LRBA: variants seen among roughly 807,000 people sequenced by gnomAD.
The protein encoded by LRBA is lipopolysaccharide-responsive and beige-like anchor protein.
Under a neutral mutation model 330.0 loss-of-function variants are expected in LRBA, and 176 were observed. The ratio of observed to expected loss-of-function variants is 0.53; its 90% confidence interval spans 0.47 to 0.60. The LOEUF (loss-of-function observed/expected upper bound fraction) is 0.60, where lower values mean the gene tolerates loss of function less well. Among genes scored for constraint, LRBA ranks in the 20% least tolerant of loss-of-function variants. The pLI is 0.00. For synonymous variants in LRBA, 1,230 were observed against 1,193.0 expected, an observed-to-expected ratio of 1.03 and a Z score of -0.64; for missense variants, 3,259 against 3,444.8, an observed-to-expected ratio of 0.95 and a Z score of 1.35.
intron 32 of LRBA, among the ~76,000 whole-genome samples, chr4:150,807,397 A>C (rs1038689298): frequency 1.3e-5 from 2 of 152,184 alleles, no homozygotes; most frequent in African/African-American, 4.8e-5. Context: ...AATACTAGCT[A>C]TACTCGAAGC....
At position 150,528,303 on chromosome 4, in the gene LRBA, T is replaced by C. The variant is rs545901588; in HGVS notation, c.6331-37268A>G. Among the ~76,000 whole-genome samples the C allele has an allele frequency of 4.0e-5, 6 of 151,880 alleles. No homozygotes were observed. In the South Asian group the frequency reaches 1.3e-3, roughly 32 times the overall value. ...TCACGAGGTCAGGAGATCGAGACCATCCTGGCAAACACAGTGGAACCCTGT... is the reference window on the plus strand; with the variant it reads ...TCACGAGGTCAGGAGATCGAGACCACCCTGGCAAACACAGTGGAACCCTGT... On this transcript the variant is annotated intron_variant, in intron 40 of 56. Coordinates refer to ENST00000651943, the MANE Select transcript of LRBA (RefSeq NM_001364905.1).
intron 48 of LRBA, among the ~76,000 whole-genome samples, chr4:150,327,327 G>A (rs1733414591): frequency 6.6e-6 from 1 of 152,166 alleles, no homozygotes; most frequent in Non-Finnish European, 1.5e-5. Context: ...GGCTGAAGTA[G>A]GAGAACAGCT....
Position 150,775,483 on chromosome 4 carries a change from ACACACACACACACACAC to A in LRBA, c.5581-13653_5581-13637del, listed in dbSNP as rs1560800126. On this transcript the variant is annotated intron_variant, in intron 34 of 56. Transcript: ENST00000651943. ...CACACACACACACACACACACACAC[ACACACACACACACACAC>A]ACAGTGATTGCAGCATAAGAGAGGA... Among the ~76,000 whole-genome samples, 349 of 150,960 alleles carry A rather than the reference ACACACACACACACACAC, an allele frequency of 2.3e-3. 2 individuals carry two copies. The highest frequency in any genetic ancestry group is 7.7e-3 in the African/African-American group (314 of 40,940).
intron 40 of LRBA, among the ~76,000 whole-genome samples, chr4:150,542,496 T>C (rs945169190): frequency 6.6e-6 from 1 of 152,160 alleles, no homozygotes; most frequent in African/African-American, 2.4e-5. Context: ...GTGCTAAATA[T>C]TAGAAATTTG....
At chr4:150,690,160 T>C (rs1432949557) in intron 36 of LRBA, among the ~76,000 whole-genome samples, 1 of 152,166 alleles carries the variant, frequency 6.6e-6, no homozygotes, top group South Asian at 2.1e-4. Context: ...TTAATAAAAA[T>C]TTTTAGCAAT....
intron 37 of LRBA, among the ~76,000 whole-genome samples, chr4:150,676,708 T>A (rs1378653822): frequency 6.6e-6 from 1 of 152,154 alleles, no homozygotes; most frequent in African/African-American, 2.4e-5. Flanking sequence ...CTCAAATTCC[T>A]TAAATAATTT....
At chr4:150,529,225 G>C (rs577323468) in intron 40 of LRBA, among the ~76,000 whole-genome samples, 1 of 152,068 alleles carries the variant, frequency 6.6e-6, no homozygotes, top group Non-Finnish European at 1.5e-5. Context: ...TATCAAAACA[G>C]GTTATAGATT....
chr4:150,507,528 T>G (rs1416211096), intron 40 of LRBA, among the ~76,000 whole-genome samples: 1 of 152,188 alleles, frequency 6.6e-6, no homozygotes, highest in Non-Finnish European at 1.5e-5. Context: ...TAGCCATATG[T>G]AGGAAGCTGA....
At chr4:150,759,860 T>A (rs1462411314) in intron 35 of LRBA, among the ~76,000 whole-genome samples, 1 of 152,136 alleles carries the variant, frequency 6.6e-6, no homozygotes, top group East Asian at 1.9e-4. Context: ...GTATCAAAGC[T>A]GAAACCTGAA....
In LRBA at chr4:150,588,030, AC is replaced by A; in HGVS notation, c.6330+17del. 2.5e-6 allele frequency: 4 copies of A among 1,606,226 alleles called. No individual in the cohort carries two copies. The highest frequency in any genetic ancestry group is 3.4e-6 in the Non-Finnish European group (4 of 1,176,964). The stretch of plus-strand genomic sequence containing the variant: ...CCATCCCATCATAAGAAAAAATGAA[AC>A]CCCTTCATCTTCTCACCTTGGGGTC... On this transcript the variant is annotated intron_variant, in intron 40 of 56. Transcript: ENST00000651943.
At chr4:150,447,673 G>A (rs1004281689) in intron 44 of LRBA, among the ~76,000 whole-genome samples, 6 of 152,140 alleles carry the variant, frequency 3.9e-5, no homozygotes, top group Non-Finnish European at 5.9e-5. Context: ...TATTGGTTCT[G>A]TTTCTCTGGA....
chr4:150,327,513 T>C (rs1258936776), intron 48 of LRBA, among the ~76,000 whole-genome samples: 1 of 152,124 alleles, frequency 6.6e-6, no homozygotes, highest in Admixed American at 6.6e-5. Context: ...CATGCCTCCC[T>C]GATTAAAAGG....
At chr4:150,684,635 G>A (rs1475391233) in intron 36 of LRBA, among the ~76,000 whole-genome samples, 1 of 152,024 alleles carries the variant, frequency 6.6e-6, no homozygotes, top group African/African-American at 2.4e-5. Context: ...GGATACTTGT[G>A]GTGTCATGTT....
intron 46 of LRBA, among the ~76,000 whole-genome samples, chr4:150,434,752 G>C (rs1182196519): frequency 6.6e-6 from 1 of 152,080 alleles, no homozygotes; most frequent in Non-Finnish European, 1.5e-5. Context: ...TCAGGAGGCT[G>C]AGGCAGGAGG....
chr4:150,544,041 T>A (rs947247657), intron 40 of LRBA, among the ~76,000 whole-genome samples: 6 of 152,138 alleles, frequency 3.9e-5, no homozygotes, highest in Non-Finnish European at 7.4e-5. Flanking sequence ...CTTAGAATAG[T>A]ATCAACTGGC....
At chr4:150,899,201 C>G (rs538139241) in intron 14 of LRBA, among the ~76,000 whole-genome samples, 15 of 152,258 alleles carry the variant, frequency 9.9e-5, no homozygotes, top group African/African-American at 3.6e-4. Context: ...CAATGAGCAA[C>G]AGAGAGACTA....
chr4:150,834,716 T>C (rs934836132), intron 28 of LRBA, among the ~76,000 whole-genome samples: 3 of 152,206 alleles, frequency 2.0e-5, no homozygotes, highest in African/African-American at 7.2e-5. Flanking sequence ...TCACCAGCTG[T>C]ATTAGTCCCT....
intron 2 of LRBA, among the ~76,000 whole-genome samples, chr4:150,937,489 T>C (rs1288669566): frequency 6.6e-6 from 1 of 152,176 alleles, no homozygotes; most frequent in Admixed American, 6.5e-5. Flanking sequence ...AATGTGAAAA[T>C]GTAATCTTAT....
intron 36 of LRBA, among the ~76,000 whole-genome samples, chr4:150,727,463 T>A (rs1053931249): frequency 1.3e-5 from 2 of 152,144 alleles, no homozygotes; most frequent in Non-Finnish European, 2.9e-5. Context: ...GACCATACGT[T>A]AGGTCACAAA....
Sources: allele counts gnomAD v4.1 joint callset (sites outside exome capture counted in the v4.1 genomes callset), GRCh38; gene constraint gnomAD v4.1.1; transcripts MANE v1.5; gene names NCBI Gene and HGNC (gene_info 2026-07-23, HGNC 2026-07-21).